TSPAN32: variants seen among roughly 807,000 people sequenced by gnomAD.
TSPAN32 encodes the protein tetraspanin-32.
TSPAN32 carries 47 observed loss-of-function variants against 42.7 expected under a neutral mutation model. The observed-to-expected ratio is 1.10, with a 90% CI of 0.87 to 1.40. The LOEUF is 1.40. Among genes scored for constraint, TSPAN32 ranks in the 40% most tolerant of loss-of-function variants. TSPAN32 has a pLI of 0.00. For missense variants in TSPAN32, 469 were observed against 424.1 expected (o/e 1.11, Z -0.93); for synonymous variants, 175 against 175.9 (o/e 0.99, Z 0.04).
chr11:2,316,083 G>T lies in TSPAN32; in HGVS notation c.544-146G>T, dbSNP rs376223340. 4.6e-6 allele frequency: 7 copies of T among 1,531,990 alleles called. No homozygotes were observed. The South Asian group carries it at 7.2e-5, about 16-fold the overall frequency. The allele number at this position is 1,531,990 out of a possible 1,614,324, so 94.9% of individuals were successfully genotyped here. A position where few individuals can be genotyped will look rare whatever the true frequency, so the allele number is the denominator to read the frequency against. ...GCTGCCTTTCCCTAGAGCCCTGGGG[G>T]CTTCCTAGGAATGTGCCGCACCCGC... On this transcript the variant is annotated intron_variant, in intron 6 of 9. Coordinates refer to ENST00000182290, the MANE Select transcript of TSPAN32 (RefSeq NM_139022.3).
intron 5 of TSPAN32, 92 bp from the exon 6 acceptor site, chr11:2,314,393 G>T: frequency 9.8e-7 from 1 of 1,023,966 alleles, no homozygotes; most frequent in Admixed American, 2.0e-5. Context: ...ACCCCACCTG[G>T]ATACTTGTGG....
rs549226946 is a variant in TSPAN32, at chr11:2,313,942, C to T, written c.456+187C>T. ...ACCCTCTGTCTGCCCAGGACAAGGC[C>T]GCCTACCAGATTCTCGAGGCCCAGT... On this transcript the variant is annotated intron_variant, in intron 5 of 9. Transcript: ENST00000182290. The surrounding 1 kb of genome is among the most constrained non-coding windows in gnomAD (Gnocchi z 9.1). 5.1e-4 allele frequency among the ~76,000 whole-genome samples: 77 copies of T among 152,146 alleles called. No individual in the cohort carries two copies. The highest frequency in any genetic ancestry group is 1.8e-3 in the African/African-American group (73 of 41,498).
At chr11:2,302,265 G>T in intron 1 of TSPAN32, 50 bp downstream of exon 1, 3 of 1,353,398 alleles carry the variant, frequency 2.2e-6, no homozygotes, top group Non-Finnish European at 1.9e-6. Flanking sequence ...GTGAGCAGGG[G>T]TGAGGGGTGG....
rs958176455 is a variant in TSPAN32, at chr11:2,316,267, C to G, written c.582C>G (p.His194Gln). 1.9e-6 allele frequency: 3 copies of G among 1,603,506 alleles called. No individual in the cohort carries two copies. The highest frequency in any genetic ancestry group is 2.7e-5 in the African/African-American group (2 of 74,818). Residue 194 changes from histidine to glutamine, a missense_variant, in exon 7 of 10, where the codon CAC becomes CAG. Coordinates refer to ENST00000182290, the MANE Select transcript of TSPAN32 (RefSeq NM_139022.3). Reference protein sequence around the residue: ...LQGIRSFLRTHQQVASSLTSI... With the variant: ...LQGIRSFLRTQQQVASSLTSI... ...GCATCCGGAGCTTCCTGAGGACACA[C>G]CAGCAGGTCGCCTCCAGCCTGACCA...
intron 3 of TSPAN32, among the ~76,000 whole-genome samples, chr11:2,306,756 C>T (rs1293821152): frequency 7.8e-6 from 1 of 128,666 alleles, no homozygotes; most frequent in Non-Finnish European, 1.7e-5. Flanking sequence ...AGGAGGAGGG[C>T]AGAGGAGAAG....
chr11:2,317,743 C>T lies in TSPAN32; in HGVS notation c.902-120C>T. On this transcript the variant is annotated intron_variant, in intron 9 of 9. Transcript: ENST00000182290. This position sits in a 1 kb window ranked among gnomAD's most constrained non-coding sequence, Gnocchi z 6.2. ...CAGCAGCCCAGGGCAGACTGCAAGA[C>T]ACTGGTGGCCCACGGCCTGGAGGGC... is the stretch of plus-strand genomic sequence containing the variant. The T allele has an allele frequency of 2.0e-6, 3 of 1,523,362 alleles. No homozygotes were observed. Among genetic ancestry groups the T allele is most frequent in the Non-Finnish European group, 2.6e-6 (3 of 1,143,888 alleles). The allele number at this position is 1,523,362 out of a possible 1,614,324, so 94.4% of individuals were successfully genotyped here. A position where few individuals can be genotyped will look rare whatever the true frequency, so the allele number is the denominator to read the frequency against.
rs980702902 is a variant in TSPAN32, at chr11:2,316,098, G to A, written c.544-131G>A. 19 of 1,527,162 alleles carry A rather than the reference G, an allele frequency of 1.2e-5. 1 individual carries two copies. The highest frequency in any genetic ancestry group is 9.8e-5 in the East Asian group (4 of 40,686). 94.6% of individuals were successfully genotyped at this position (1,527,162 alleles called of 1,614,324 possible). A position where few individuals can be genotyped will look rare whatever the true frequency, so the allele number is the denominator to read the frequency against. The stretch of plus-strand genomic sequence containing the variant: ...AGCCCTGGGGGCTTCCTAGGAATGT[G>A]CCGCACCCGCCGCCCTGCTGCCCTG... On this transcript the variant is annotated intron_variant, in intron 6 of 9. Coordinates refer to ENST00000182290, the MANE Select transcript of TSPAN32 (RefSeq NM_139022.3).
At chr11:2,316,957 C>T (rs1343268066) in intron 8 of TSPAN32, among the ~76,000 whole-genome samples, 1 of 152,074 alleles carries the variant, frequency 6.6e-6, no homozygotes, top group South Asian at 2.1e-4. Flanking sequence ...GTTATAGCCC[C>T]AGGCCAGGAT....
rs375282272 is a variant in TSPAN32, at chr11:2,315,164, C to T, written c.543+593C>T. 2.7e-5 allele frequency: 19 copies of T among 708,336 alleles called. No homozygotes were observed. In the Admixed American group the frequency reaches 3.0e-4, roughly 11 times the overall value. 43.9% of individuals were successfully genotyped at this position (708,336 alleles called of 1,614,324 possible). On this transcript the variant is annotated intron_variant, in intron 6 of 9. Transcript: ENST00000182290. The stretch of plus-strand genomic sequence containing the variant: ...TCTCCTGGTGCCCGGCAGCCCTCCC[C>T]CAGCCCACCCTGCCCCCTCCCTGCT...
chr11:2,310,133 C>T (rs988939022), intron 4 of TSPAN32: 3 of 152,250 alleles, frequency 2.0e-5, no homozygotes, highest in African/African-American at 4.8e-5. Context: ...TGGTCTGGCT[C>T]ATTTGAGGTC....
intron 6 of TSPAN32, chr11:2,315,259 GCGACCCTCCA>G: frequency 2.5e-6 from 3 of 1,198,930 alleles, no homozygotes; most frequent in Non-Finnish European, 1.1e-6. Context: ...GAGGCACCTG[GCGACCCTCCA>G]AGAAACAGAG....
chr11:2,307,886 C>T (rs1475249605), intron 3 of TSPAN32, among the ~76,000 whole-genome samples: 1 of 152,110 alleles, frequency 6.6e-6, no homozygotes, highest in African/African-American at 2.4e-5. Flanking sequence ...AAGAGAGAGG[C>T]CACAGCATCC....
At chr11:2,306,539 T>G (rs558997631) in intron 3 of TSPAN32, among the ~76,000 whole-genome samples, 72 of 131,622 alleles carry the variant, frequency 5.5e-4, no homozygotes, top group African/African-American at 2.0e-3. Flanking sequence ...AGGTTGGTGG[T>G]GGGGGGAGAG....
intron 3 of TSPAN32, among the ~76,000 whole-genome samples, chr11:2,306,288 T>TC (rs1247301175): frequency 6.6e-6 from 1 of 151,666 alleles, no homozygotes; most frequent in Non-Finnish European, 1.5e-5. Context: ...CTCCGGCCTC[T>TC]CCCCTAGCTG....
chr11:2,316,076 C>T (rs1464677483), intron 6 of TSPAN32, 153 bp from the exon 7 acceptor site: 2 of 1,532,474 alleles, frequency 1.3e-6, no homozygotes, highest in Admixed American at 2.0e-5. Context: ...TCCCTAGAGC[C>T]CTGGGGGCTT....
At chr11:2,306,194 G>T (rs1004550775) in intron 3 of TSPAN32, among the ~76,000 whole-genome samples, 1 of 152,102 alleles carries the variant, frequency 6.6e-6, no homozygotes, top group Admixed American at 6.5e-5. Flanking sequence ...GCTAGGGAAG[G>T]GGAGCAGGGA....
At position 2,317,658 on chromosome 11, in the gene TSPAN32, T is replaced by A; in HGVS notation, c.901+133T>A. ...AACAGATGCAAGGGTAAGGGGTAGC[T>A]CACCAAATCCCTCCATGGGAACGGG... is the stretch of plus-strand genomic sequence containing the variant. On this transcript the variant is annotated intron_variant, in intron 9 of 9. Coordinates refer to ENST00000182290, the MANE Select transcript of TSPAN32 (RefSeq NM_139022.3). This position sits in a 1 kb window ranked among gnomAD's most constrained non-coding sequence, Gnocchi z 6.2. 6.8e-7 allele frequency: 1 copy of A among 1,477,600 alleles called. No individual in the cohort carries two copies. The highest frequency in any genetic ancestry group is 8.9e-7 in the Non-Finnish European group (1 of 1,121,256). 91.5% of individuals were successfully genotyped at this position (1,477,600 alleles called of 1,614,324 possible).
At chr11:2,307,424 G>C (rs1300153833) in intron 3 of TSPAN32, among the ~76,000 whole-genome samples, 1 of 152,210 alleles carries the variant, frequency 6.6e-6, no homozygotes, top group Non-Finnish European at 1.5e-5. Flanking sequence ...GAGGGGGCTG[G>C]CGTTTCACCG....
intron 3 of TSPAN32, among the ~76,000 whole-genome samples, chr11:2,307,394 A>G (rs1848181122): frequency 6.6e-6 from 1 of 152,182 alleles, no homozygotes; most frequent in Admixed American, 6.5e-5. Flanking sequence ...TGGACCACCC[A>G]GGCGGGCACA....
Sources: allele counts gnomAD v4.1 joint callset (sites outside exome capture counted in the v4.1 genomes callset), GRCh38; gene constraint gnomAD v4.1.1; non-coding constraint Gnocchi (gnomAD v3.1); transcripts MANE v1.5; gene names NCBI Gene and HGNC (gene_info 2026-07-23, HGNC 2026-07-21).